COL5A2: variants seen among roughly 807,000 people sequenced by gnomAD.
COL5A2 encodes collagen type V alpha 2 chain, also known as collagen alpha-2(V) chain.
In COL5A2, 23 loss-of-function variants were observed where a neutral mutation model predicts 208.2. The ratio of observed to expected loss-of-function variants is 0.11; its 90% confidence interval spans 0.08 to 0.16. The LOEUF (loss-of-function observed/expected upper bound fraction) is 0.16, where lower values mean the gene tolerates loss of function less well. Ranked by LOEUF, COL5A2 falls within the 10% of genes least tolerant of loss-of-function variation. COL5A2 has a pLI of 1.00. For missense variants in COL5A2, 1,590 were observed against 1,956.4 expected, an observed-to-expected ratio of 0.81 and a Z score of 3.53; for synonymous variants, 625 against 628.5, an observed-to-expected ratio of 0.99 and a Z score of 0.08.
At chr2:189,291,697 C>T in the COL5A2 span, among the ~76,000 whole-genome samples, 14 of 152,058 alleles carry the variant, frequency 9.2e-5, no homozygotes, top group East Asian at 9.7e-4. Flanking sequence ...GATCATTTCT[C>T]GTCATCACAG....
chr2:189,105,723 A>T (rs1335142956), intron 2 of COL5A2, among the ~76,000 whole-genome samples: 2 of 151,466 alleles, frequency 1.3e-5, no homozygotes, highest in African/African-American at 4.8e-5. Flanking sequence ...TCATAAAGTC[A>T]TATATTTTAG....
chr2:189,321,610 A>C, the COL5A2 span, among the ~76,000 whole-genome samples: 1 of 151,634 alleles, frequency 6.6e-6, no homozygotes, highest in African/African-American at 2.4e-5. Context: ...CAACAAGAAG[A>C]GCTAACTATC....
At chr2:189,424,623 G>C in the COL5A2 span, among the ~76,000 whole-genome samples, 1 of 151,020 alleles carries the variant, frequency 6.6e-6, no homozygotes, top group Non-Finnish European at 1.5e-5. Context: ...GGAGATGAAA[G>C]AAATCTACAC....
At chr2:189,087,011 T>C (rs1686677447) in intron 8 of COL5A2, among the ~76,000 whole-genome samples, 1 of 152,222 alleles carries the variant, frequency 6.6e-6, no homozygotes, top group Admixed American at 6.5e-5. Flanking sequence ...GCCATATGTC[T>C]GTACACACCC....
At chr2:189,145,229 A>T (rs1688014861) in intron 1 of COL5A2, among the ~76,000 whole-genome samples, 1 of 152,120 alleles carries the variant, frequency 6.6e-6, no homozygotes, top group Non-Finnish European at 1.5e-5. Context: ...TGGGAACTAT[A>T]CTCCAATAGA....
the COL5A2 span, among the ~76,000 whole-genome samples, chr2:189,350,908 A>G: frequency 6.6e-6 from 1 of 152,182 alleles, no homozygotes; most frequent in Non-Finnish European, 1.5e-5. Context: ...CTACAAGTTG[A>G]ATTTTTTTTC....
intron 13 of COL5A2, among the ~76,000 whole-genome samples, chr2:189,080,680 T>C (rs1014911886): frequency 5.3e-5 from 8 of 152,122 alleles, no homozygotes; most frequent in Admixed American, 1.3e-4. Context: ...TTGCCTACCT[T>C]TTCATCCGTA....
the COL5A2 span, among the ~76,000 whole-genome samples, chr2:189,295,394 G>A: frequency 6.6e-6 from 1 of 152,142 alleles, no homozygotes; most frequent in Non-Finnish European, 1.5e-5. Flanking sequence ...GATCACTTGA[G>A]GTCAGGAGTT....
the COL5A2 span, among the ~76,000 whole-genome samples, chr2:189,300,708 C>T: frequency 6.6e-5 from 10 of 152,296 alleles, no homozygotes; most frequent in Admixed American, 2.6e-4. Context: ...CCAAAATGTG[C>T]AAAGTGGCAT....
At chr2:189,415,367 G>T in the COL5A2 span, among the ~76,000 whole-genome samples, 1 of 152,064 alleles carries the variant, frequency 6.6e-6, no homozygotes, top group Admixed American at 6.5e-5. Flanking sequence ...AATATGGCCT[G>T]CAGGATGTAT....
At chr2:189,127,811 C>T (rs1301468834) in intron 1 of COL5A2, among the ~76,000 whole-genome samples, 1 of 151,940 alleles carries the variant, frequency 6.6e-6, no homozygotes, top group East Asian at 1.9e-4. Context: ...CCTTATAGGG[C>T]CTATCAGAAT....
intron 1 of COL5A2, among the ~76,000 whole-genome samples, chr2:189,145,591 C>T (rs1350171764): frequency 6.6e-6 from 1 of 151,936 alleles, no homozygotes; most frequent in Admixed American, 6.6e-5. Flanking sequence ...TATTATATTG[C>T]CTAGATCATT....
chr2:189,267,578 G>C, the COL5A2 span, among the ~76,000 whole-genome samples: 26 of 152,152 alleles, frequency 1.7e-4, no homozygotes, highest in South Asian at 5.0e-3. Context: ...TTTTTAAAAA[G>C]CAATAGAATA....
At chr2:189,331,898 G>A in the COL5A2 span, among the ~76,000 whole-genome samples, 58 of 150,736 alleles carry the variant, frequency 3.8e-4, no homozygotes, top group East Asian at 3.5e-3. Context: ...TGCAGTGAGC[G>A]GAGATTGTGC....
At chr2:189,285,561 A>G in the COL5A2 span, among the ~76,000 whole-genome samples, 2 of 152,152 alleles carry the variant, frequency 1.3e-5, no homozygotes, top group African/African-American at 2.4e-5. Flanking sequence ...GTTGAGATGA[A>G]ATAGCTGATT....
intron 51 of COL5A2, among the ~76,000 whole-genome samples, chr2:189,038,384 A>G (rs1559073033): frequency 6.6e-6 from 1 of 152,166 alleles, no homozygotes; most frequent in Admixed American, 6.5e-5. Flanking sequence ...TGGCCACATA[A>G]TGTTCCATCA....
chr2:189,378,698 T>G, the COL5A2 span, among the ~76,000 whole-genome samples: 2 of 143,812 alleles, frequency 1.4e-5, no homozygotes, highest in Admixed American at 7.2e-5. Flanking sequence ...CACTCTAGCC[T>G]GGGCGACAGT....
the COL5A2 span, among the ~76,000 whole-genome samples, chr2:189,427,759 T>C: frequency 6.6e-6 from 1 of 152,210 alleles, no homozygotes; most frequent in Non-Finnish European, 1.5e-5. Context: ...TTAATTACTT[T>C]AAGCTCTCAA....
At chr2:189,113,955 G>C (rs1007957616) in intron 1 of COL5A2, among the ~76,000 whole-genome samples, 5 of 152,110 alleles carry the variant, frequency 3.3e-5, no homozygotes, top group Non-Finnish European at 7.4e-5. Flanking sequence ...TTAACACCTA[G>C]AAGAGCAGTT....
Sources: gnomAD v4.1 joint callset for allele counts (sites outside exome capture counted in the v4.1 genomes callset) on GRCh38, gnomAD v4.1.1 for gene constraint, MANE v1.5 for transcripts, NCBI Gene and HGNC (gene_info 2026-07-23, HGNC 2026-07-21) for gene names.